Variants in NIM1K observed in about 807,000 individuals in gnomAD.
NIM1K encodes the protein NIM1 serine/threonine protein kinase, also known as serine/threonine-protein kinase NIM1.
In NIM1K, 35 loss-of-function variants were observed where a neutral mutation model predicts 37.1. The observed-to-expected ratio is 0.94, with a 90% CI of 0.72 to 1.25. The LOEUF is 1.25. Among genes scored for constraint, NIM1K ranks in the 50% most tolerant of loss-of-function variants. NIM1K has a pLI of 0.00. For synonymous variants in NIM1K, 234 were observed against 206.6 expected (o/e 1.13, Z -1.14); for missense variants, 564 against 548.0 (o/e 1.03, Z -0.29).
rs1409019805 is a variant in NIM1K, at chr5:43,192,254, G to C, written c.-852G>C. 1 of 152,464 alleles carries C rather than the reference G, an allele frequency of 6.6e-6. No individual in the cohort carries two copies. Among genetic ancestry groups the C allele is most frequent in the Non-Finnish European group, 1.5e-5 (1 of 68,256 alleles). 9.4% of individuals were successfully genotyped at this position (152,464 alleles called of 1,614,324 possible). A position where few individuals can be genotyped will look rare whatever the true frequency, so the allele number is the denominator to read the frequency against. On this transcript the variant is annotated 5_prime_UTR_variant, in exon 1 of 4. Coordinates refer to ENST00000326035, the MANE Select transcript of NIM1K (RefSeq NM_153361.4). ...TTTGCCCTGGGCCGCTGCCGGTCAG[G>C]TCGGCCGCCCCTGACAGCTCCGGGA...
chr5:43,220,262 T>G (rs1752361502), intron 1 of NIM1K, among the ~76,000 whole-genome samples: 1 of 151,828 alleles, frequency 6.6e-6, no homozygotes, highest in Non-Finnish European at 1.5e-5. Context: ...AAGGTAAAGG[T>G]CTAACTTTAT....
At chr5:43,261,002 G>T (rs886900249) in intron 2 of NIM1K, among the ~76,000 whole-genome samples, 1 of 152,124 alleles carries the variant, frequency 6.6e-6, no homozygotes, top group Admixed American at 6.5e-5. Context: ...TCTTAATCCA[G>T]TCTATCATTG....
chr5:43,264,375 A>G (rs1753087657), intron 2 of NIM1K, among the ~76,000 whole-genome samples: 1 of 152,158 alleles, frequency 6.6e-6, no homozygotes, highest in Non-Finnish European at 1.5e-5. Context: ...CCATTATGTA[A>G]TGGCCTTCTT....
At chr5:43,253,222 G>GAATATAA (rs1561088080) in intron 2 of NIM1K, among the ~76,000 whole-genome samples, 17 of 103,378 alleles carry the variant, frequency 1.6e-4, no homozygotes, top group East Asian at 4.8e-4. Flanking sequence ...ATGTGTGTGT[G>GAATATAA]TGTGTGTGTG....
At chr5:43,227,530 T>A (rs562351349) in intron 1 of NIM1K, among the ~76,000 whole-genome samples, 1 of 152,312 alleles carries the variant, frequency 6.6e-6, no homozygotes, top group South Asian at 2.1e-4. Context: ...CATATCCCTG[T>A]GTTTCCCACT....
intron 1 of NIM1K, among the ~76,000 whole-genome samples, chr5:43,240,545 CTT>C (rs56934664): frequency 9.1e-4 from 125 of 136,704 alleles, no homozygotes; most frequent in South Asian, 7.1e-3. Flanking sequence ...CTTTCTTACA[CTT>C]TTTTTTTTTT....
chr5:43,205,692 T>C (rs1302469665), intron 1 of NIM1K, among the ~76,000 whole-genome samples: 5 of 152,192 alleles, frequency 3.3e-5, no homozygotes, highest in African/African-American at 1.2e-4. Context: ...TGTGTTTTAC[T>C]TCTTGTTTGC....
chr5:43,237,117 G>C (rs141217208), intron 1 of NIM1K, among the ~76,000 whole-genome samples: 8 of 152,340 alleles, frequency 5.3e-5, no homozygotes, highest in African/African-American at 1.7e-4. Flanking sequence ...GCCACACACA[G>C]AGAATACTCA....
intron 1 of NIM1K, among the ~76,000 whole-genome samples, chr5:43,199,525 G>A (rs1458593927): frequency 6.6e-6 from 1 of 151,836 alleles, no homozygotes; most frequent in African/African-American, 2.4e-5. Flanking sequence ...TCACTTCATG[G>A]TCTCTAGGTG....
At chr5:43,240,132 G>C (rs1342634267) in intron 1 of NIM1K, 1 of 151,816 alleles carries the variant, frequency 6.6e-6, no homozygotes, top group Non-Finnish European at 1.5e-5. Context: ...GAAGTGCAGT[G>C]GGGTGATCTT....
chr5:43,195,459 A>T (rs1370593600), intron 1 of NIM1K, among the ~76,000 whole-genome samples: 2 of 152,082 alleles, frequency 1.3e-5, no homozygotes, highest in East Asian at 3.9e-4. Context: ...GGAGTTCGAG[A>T]CCAGCCTGGG....
chr5:43,261,116 G>T (rs59972526), intron 2 of NIM1K, among the ~76,000 whole-genome samples: 1 of 152,086 alleles, frequency 6.6e-6, no homozygotes, highest in Non-Finnish European at 1.5e-5. Context: ...AATCCTTTGG[G>T]TATATACCCA....
At chr5:43,200,730 T>C (rs1230584702) in intron 1 of NIM1K, among the ~76,000 whole-genome samples, 3 of 152,184 alleles carry the variant, frequency 2.0e-5, no homozygotes, top group Admixed American at 1.3e-4. Flanking sequence ...TGAGTGTGAA[T>C]TGACAAAGAG....
At chr5:43,214,955 T>A (rs181116771) in intron 1 of NIM1K, among the ~76,000 whole-genome samples, 236 of 152,038 alleles carry the variant, frequency 1.6e-3, no homozygotes, top group Non-Finnish European at 2.2e-3. Flanking sequence ...GAGGTGGGGG[T>A]AGATGTGAAC....
intron 2 of NIM1K, among the ~76,000 whole-genome samples, chr5:43,255,621 C>T (rs1447021495): frequency 6.6e-6 from 1 of 151,844 alleles, no homozygotes; most frequent in South Asian, 2.1e-4. Context: ...TGGTGGTGTG[C>T]ACCTTTAGTC....
intron 1 of NIM1K, among the ~76,000 whole-genome samples, chr5:43,213,908 C>T (rs1752257848): frequency 1.3e-5 from 2 of 151,986 alleles, no homozygotes; most frequent in African/African-American, 4.8e-5. Context: ...AGATTACAGG[C>T]TGGAGCCACC....
intron 1 of NIM1K, chr5:43,192,835 A>C (rs1751853335): frequency 6.6e-6 from 1 of 152,356 alleles, no homozygotes; most frequent in Non-Finnish European, 1.5e-5. Context: ...CGTTGCGCAC[A>C]GCGGGTGCGC....
At chr5:43,264,910 G>A (rs1753099087) in intron 2 of NIM1K, among the ~76,000 whole-genome samples, 1 of 152,112 alleles carries the variant, frequency 6.6e-6, no homozygotes, top group South Asian at 2.1e-4. Context: ...AATTCTGGAT[G>A]GAAAATTCTT....
chr5:43,196,354 C>T (rs1030827525), intron 1 of NIM1K, among the ~76,000 whole-genome samples: 47 of 152,138 alleles, frequency 3.1e-4, no homozygotes, highest in African/African-American at 1.1e-3. Flanking sequence ...ACTGGCTGGG[C>T]GCGGTGGCTT....
Sources: gnomAD v4.1 joint callset for allele counts (sites outside exome capture counted in the v4.1 genomes callset) on GRCh38, gnomAD v4.1.1 for gene constraint, MANE v1.5 for transcripts, NCBI Gene and HGNC (gene_info 2026-07-23, HGNC 2026-07-21) for gene names.